The following TAF1A variants were observed in gnomAD, a reference collection of about 807,000 sequenced individuals.
TAF1A encodes TATA box-binding protein-associated factor RNA polymerase I subunit A.
Under a neutral mutation model 61.6 loss-of-function variants are expected in TAF1A, and 42 were observed. The ratio of observed to expected loss-of-function variants is 0.68; its 90% CI spans 0.53 to 0.88. The LOEUF (loss-of-function observed/expected upper bound fraction) is 0.88. TAF1A is among the 40% of genes least tolerant of loss of function. The pLI is 0.00. For synonymous variants in TAF1A, 179 were observed against 177.7 expected, an observed-to-expected ratio of 1.01 and a Z score of -0.06; for missense variants, 424 against 518.7, an observed-to-expected ratio of 0.82 and a Z score of 1.77.
downstream of TAF1A, among the ~76,000 whole-genome samples, chr1:222,557,670 T>A (rs958951395): frequency 6.6e-6 from 1 of 151,890 alleles, no homozygotes; most frequent in Non-Finnish European, 1.5e-5. Flanking sequence ...TTGGCCAGGA[T>A]GGTCTCAATC....
At chr1:222,562,969 T>C (rs1160310298) in intron 9 of TAF1A, among the ~76,000 whole-genome samples, 1 of 152,172 alleles carries the variant, frequency 6.6e-6, no homozygotes, top group Non-Finnish European at 1.5e-5. Flanking sequence ...TTTGATGGCA[T>C]AAAAAAATTG....
intron 10 of TAF1A, among the ~76,000 whole-genome samples, chr1:222,561,071 T>C (rs1460807155): frequency 6.6e-6 from 1 of 152,168 alleles, no homozygotes; most frequent in East Asian, 1.9e-4. Context: ...AAACTTTCTA[T>C]AAAACAAGGC....
chr1:222,577,004 T>C (rs1281583014), intron 5 of TAF1A, among the ~76,000 whole-genome samples: 2 of 152,194 alleles, frequency 1.3e-5, no homozygotes, highest in Non-Finnish European at 2.9e-5. Flanking sequence ...CAGCCCCTCT[T>C]GAAATGTTTG....
At chr1:222,582,387 C>T (rs766557507) in intron 3 of TAF1A, among the ~76,000 whole-genome samples, 3 of 152,174 alleles carry the variant, frequency 2.0e-5, no homozygotes, top group Non-Finnish European at 4.4e-5. Flanking sequence ...AAATCATAAC[C>T]AGGATGATGC....
chr1:222,583,654 C>G (rs926342693), intron 3 of TAF1A, among the ~76,000 whole-genome samples: 1 of 151,742 alleles, frequency 6.6e-6, no homozygotes, highest in Non-Finnish European at 1.5e-5. Flanking sequence ...CCTGGCCAAC[C>G]TGGTGAAACC....
At chr1:222,560,299 A>C (rs1429771787) in intron 10 of TAF1A, among the ~76,000 whole-genome samples, 2 of 152,240 alleles carry the variant, frequency 1.3e-5, no homozygotes, top group Admixed American at 1.3e-4. Context: ...TTGCGGGAGT[A>C]ACTGATGCCT....
intron 5 of TAF1A, 118 bp downstream of exon 5, chr1:222,577,325 TAA>T: frequency 2.7e-6 from 2 of 746,358 alleles, no homozygotes; most frequent in Non-Finnish European, 4.3e-6. Flanking sequence ...TTTAAATCCA[TAA>T]AAAGTCTGTT....
chr1:222,570,075 A>G (rs762244965), intron 6 of TAF1A, among the ~76,000 whole-genome samples: 7 of 152,212 alleles, frequency 4.6e-5, no homozygotes, highest in Non-Finnish European at 7.3e-5. Context: ...ACTTTCACAA[A>G]GCAAATTATT....
chr1:222,569,351 T>C (rs1470965707), intron 7 of TAF1A, 159 bp downstream of exon 7: 20 of 1,538,922 alleles, frequency 1.3e-5, no homozygotes, highest in Non-Finnish European at 1.7e-5. Context: ...GATACATACA[T>C]GGAGATGGCA....
In TAF1A at chr1:222,589,783, C is replaced by T. The variant is rs1037831253; in HGVS notation, c.-59G>A. 3 of 335,160 alleles carry T rather than the reference C, an allele frequency of 9.0e-6. No homozygotes were observed. The highest frequency in any genetic ancestry group is 1.6e-5 in the Non-Finnish European group (3 of 185,898). 20.8% of individuals were successfully genotyped at this position (335,160 alleles called of 1,614,324 possible). On this transcript the variant is annotated 5_prime_UTR_variant, in exon 1 of 11. The change creates a new upstream start codon in the 5' untranslated region. Transcript: ENST00000352967. The stretch of plus-strand genomic sequence containing the variant: ...AAACTCAGTCTCCGACTCCGGCCCA[C>T]GTGAAGAAATTCCCACCGGAAGACG...
Position 222,577,455 on chromosome 1 carries a change from C to A in TAF1A, c.594G>T (p.Leu198Phe), listed in dbSNP as rs767907086. 6.2e-7 allele frequency: 1 copy of A among 1,613,772 alleles called. No homozygotes were observed. Among genetic ancestry groups the A allele is most frequent in the Non-Finnish European group, 8.5e-7 (1 of 1,179,772 alleles). Residue 198 changes from leucine (L) to phenylalanine (F), a missense_variant, in exon 5 of 11, where the codon TTG (leucine) becomes TTT (phenylalanine). Coordinates refer to ENST00000352967, the MANE Select transcript of TAF1A (RefSeq NM_005681.4). ...YYTWSEKKME[L>F]SKLDKDDYAY... ...CCTGTATTCACTTACCAAGCTTTGA[C>A]AATTCCATCTTCTTTTCAGACCAGG...
At chr1:222,578,898 T>C (rs1002983436) in intron 4 of TAF1A, among the ~76,000 whole-genome samples, 2 of 152,208 alleles carry the variant, frequency 1.3e-5, no homozygotes, top group African/African-American at 4.8e-5. Context: ...CAGACTCTTA[T>C]TGAGAAATGA....
chr1:222,567,224 T>C (rs1194461141), intron 7 of TAF1A, among the ~76,000 whole-genome samples: 1 of 152,224 alleles, frequency 6.6e-6, no homozygotes, highest in East Asian at 1.9e-4. Context: ...ATGATTCCAC[T>C]TATATGAGGT....
intron 9 of TAF1A, 24 bp downstream of exon 9, chr1:222,563,149 T>A: frequency 6.4e-7 from 1 of 1,566,692 alleles, no homozygotes; most frequent in Non-Finnish European, 8.7e-7. Flanking sequence ...GATGACCTAG[T>A]AATAAACACT....
intron 4 of TAF1A, 150 bp downstream of exon 4, chr1:222,579,609 T>C (rs1660704384): frequency 1.1e-6 from 1 of 941,404 alleles, no homozygotes. Context: ...ATGGTTCTCA[T>C]AACGCTCTTT....
rs751378957 is a variant in TAF1A, at chr1:222,579,746, C to T, written c.405+13G>A. 57 of 1,599,962 alleles carry T rather than the reference C, an allele frequency of 3.6e-5. No individual in the cohort carries two copies. The Admixed American group carries it at 9.9e-4, about 28-fold the overall frequency. On this transcript the variant is annotated intron_variant, in intron 4 of 10. Coordinates refer to ENST00000352967, the MANE Select transcript of TAF1A (RefSeq NM_005681.4). ...ATACTGCAAGTGTAAATTCACAAAG[C>T]CCATATTCTCACCTTTAAATAATTC...
chr1:222,562,118 C>T (rs1426711012), intron 9 of TAF1A, among the ~76,000 whole-genome samples: 11 of 152,126 alleles, frequency 7.2e-5, no homozygotes, highest in Non-Finnish European at 1.6e-4. Flanking sequence ...CTGTTAAGTG[C>T]AGGCAATTCT....
At position 222,570,018 on chromosome 1, in the gene TAF1A, T is replaced by G. The variant is rs981262781; in HGVS notation, c.736-350A>C. ...ACACAGGAATCTCCAGATTATGATT[T>G]TGGAGATTATCTTCTGACAACACAA... On this transcript the variant is annotated intron_variant, in intron 6 of 10. Transcript: ENST00000352967. 2.6e-5 allele frequency among the ~76,000 whole-genome samples: 4 copies of G among 152,308 alleles called. No individual in the cohort carries two copies. In the South Asian group the frequency reaches 6.2e-4, roughly 24 times the overall value.
intron 3 of TAF1A, among the ~76,000 whole-genome samples, chr1:222,582,850 C>T (rs1240319404): frequency 6.6e-6 from 1 of 152,170 alleles, no homozygotes; most frequent in Non-Finnish European, 1.5e-5. Flanking sequence ...CAAAAGGCCA[C>T]ATATTGTACA....
Sources: allele counts gnomAD v4.1 joint callset (sites outside exome capture counted in the v4.1 genomes callset), GRCh38; gene constraint gnomAD v4.1.1; transcripts MANE v1.5; gene names NCBI Gene and HGNC (gene_info 2026-07-23, HGNC 2026-07-21).